Variants in ANGPTL7 observed in about 807,000 individuals in gnomAD.
ANGPTL7 encodes angiopoietin-related protein 7.
Under a neutral mutation model 38.8 loss-of-function variants are expected in ANGPTL7, and 37 were observed. The ratio of observed to expected loss-of-function variants is 0.95; its 90% CI spans 0.73 to 1.25. The LOEUF (loss-of-function observed/expected upper bound fraction) is 1.25. ANGPTL7 is among the 50% of genes most tolerant of loss of function. The probability of loss-of-function intolerance (pLI) is 0.00; values close to 1 mark genes in which losing one functional copy is unlikely to be tolerated. For synonymous variants in ANGPTL7, 166 were observed against 163.2 expected (o/e 1.02, Z -0.13); for missense variants, 427 against 438.6 (o/e 0.97, Z 0.24).
rs542785234 is a variant in ANGPTL7, at chr1:11,194,508, G to A, written c.720G>A (p.Leu240=). ...LRYAEYSHFV[L]GNELNSYRLF... Reference sequence around the variant, plus strand: ...ACGCTGAGTATAGCCACTTTGTTTTGGGCAATGAACTCAACAGCTATCGCC... The same window carrying A: ...ACGCTGAGTATAGCCACTTTGTTTTAGGCAATGAACTCAACAGCTATCGCC... Residue 240 remains leucine, a synonymous_variant, in exon 4 of 5, where the codon TTG becomes TTA. Transcript: ENST00000376819. The A allele has an allele frequency of 1.8e-4, 297 of 1,614,124 alleles. 1 individual carries two copies. In the South Asian group the frequency reaches 2.9e-3, roughly 16 times the overall value.
rs780442174 is a variant in ANGPTL7, at chr1:11,193,774, G to A, written c.672G>A (p.Glu224=). 5.1e-5 allele frequency: 83 copies of A among 1,613,866 alleles called. No individual in the cohort carries two copies. Among genetic ancestry groups the A allele is most frequent in the Non-Finnish European group, 6.2e-5 (73 of 1,179,982 alleles). ...CAACCCGGCTGCGTGTAGAGATGGA[G>A]GTAAGCACAAGGCCAGGGGCCCCAT... is the stretch of plus-strand genomic sequence containing the variant. ...RQPTRLRVEM[E]DWEGNLRYAE... is the part of the protein sequence containing the mutation. The change falls in exon 3 of 5, where the codon GAG becomes GAA. Residue 224 remains glutamate, a splice_region_variant and synonymous_variant. Transcript: ENST00000376819.
chr1:11,195,150 A>C lies in ANGPTL7; in HGVS notation c.*127A>C. On this transcript the variant is annotated 3_prime_UTR_variant, in exon 5 of 5. Transcript: ENST00000376819. The stretch of plus-strand genomic sequence containing the variant: ...GAAACAGCCTATAATCTCCAAAGAA[A>C]GAATAAGTCTCCAAGGAGCACAAAA... 3 of 1,056,662 alleles carry C rather than the reference A, an allele frequency of 2.8e-6. No homozygotes were observed. Among genetic ancestry groups the C allele is most frequent in the Non-Finnish European group, 4.0e-6 (3 of 741,026 alleles). The allele number at this position is 1,056,662 out of a possible 1,614,324, so 65.5% of individuals were successfully genotyped here. A position where few individuals can be genotyped will look rare whatever the true frequency, so the allele number is the denominator to read the frequency against.
At position 11,193,771 on chromosome 1, in the gene ANGPTL7, G is replaced by A. The variant is rs770229792; in HGVS notation, c.669G>A (p.Met223Ile). The A allele has an allele frequency of 7.4e-6, 12 of 1,613,914 alleles. No homozygotes were observed. In the South Asian group the frequency reaches 1.3e-4, roughly 18 times the overall value. The change falls in exon 3 of 5, where the codon ATG becomes ATA. Residue 223 changes from methionine (M) to isoleucine (I), a missense_variant. Coordinates refer to ENST00000376819, the MANE Select transcript of ANGPTL7 (RefSeq NM_021146.4). ...SRQPTRLRVEMEDWEGNLRYA... is the reference protein window; with the variant it reads ...SRQPTRLRVEIEDWEGNLRYA... The stretch of plus-strand genomic sequence containing the variant: ...AGCCAACCCGGCTGCGTGTAGAGAT[G>A]GAGGTAAGCACAAGGCCAGGGGCCC...
chr1:11,190,622 C>G (rs909332640), intron 1 of ANGPTL7, among the ~76,000 whole-genome samples: 6 of 152,056 alleles, frequency 3.9e-5, no homozygotes, highest in Non-Finnish European at 7.4e-5. Context: ...GAAATATAGA[C>G]TTAATAGGCC....
Position 11,195,622 on chromosome 1 carries a change from C to G in ANGPTL7, c.*599C>G. The G allele has an allele frequency of 6.5e-6, 1 of 154,294 alleles. No homozygotes were observed. The highest frequency in any genetic ancestry group is 6.4e-5 in the Admixed American group (1 of 15,552). 9.6% of individuals were successfully genotyped at this position (154,294 alleles called of 1,614,324 possible). On this transcript the variant is annotated 3_prime_UTR_variant, in exon 5 of 5. Transcript: ENST00000376819. ...GGGAGGAAACTCCAGGGCACTGCATCTGGCGATCAGACTCTGAGCACTGCC... is the reference window on the plus strand; with the variant it reads ...GGGAGGAAACTCCAGGGCACTGCATGTGGCGATCAGACTCTGAGCACTGCC...
At chr1:11,192,476 C>T in intron 2 of ANGPTL7, 106 bp downstream of exon 2, 1 of 991,188 alleles carries the variant, frequency 1.0e-6, no homozygotes, top group Non-Finnish European at 1.5e-6. Flanking sequence ...GAAAATTCGG[C>T]TGGGCGCAGT....
At position 11,192,312 on chromosome 1, in the gene ANGPTL7, G is replaced by C; in HGVS notation, c.419G>C (p.Arg140Pro). ...TCTTCCCTCTACCAGAAGAACTACCGCATCTCTGGAGTGTATAAGCTTCCT... is the reference window on the plus strand; with the variant it reads ...TCTTCCCTCTACCAGAAGAACTACCCCATCTCTGGAGTGTATAAGCTTCCT... Reference protein sequence around the residue: ...DCSSLYQKNYRISGVYKLPPD... With the variant: ...DCSSLYQKNYPISGVYKLPPD... The change falls in exon 2 of 5, where the codon CGC becomes CCC. Residue 140 changes from arginine to proline, a missense_variant. Physicochemically the swap from Arg to Pro is moderately radical, Grantham distance 103. Coordinates refer to ENST00000376819, the MANE Select transcript of ANGPTL7 (RefSeq NM_021146.4). The C allele has an allele frequency of 6.2e-7, 1 of 1,613,956 alleles. No homozygotes were observed. The highest frequency in any genetic ancestry group is 1.3e-5 in the African/African-American group (1 of 75,024).
Position 11,189,537 on chromosome 1 carries a change from A to G in ANGPTL7, c.-43A>G. The stretch of plus-strand genomic sequence containing the variant: ...GCAGACCTCAGCTGGGCATCTCCAG[A>G]CTCCCCTGAAGGAAGAGCCTTCCTC... On this transcript the variant is annotated 5_prime_UTR_variant, in exon 1 of 5. Coordinates refer to ENST00000376819, the MANE Select transcript of ANGPTL7 (RefSeq NM_021146.4). The G allele has an allele frequency of 6.5e-7, 1 of 1,541,390 alleles. No individual in the cohort carries two copies. The highest frequency in any genetic ancestry group is 2.0e-5 in the Admixed American group (1 of 49,210).
chr1:11,194,698 C>T (rs766005976), intron 4 of ANGPTL7, 39 bp downstream of exon 4: 5 of 1,612,710 alleles, frequency 3.1e-6, no homozygotes, highest in South Asian at 2.2e-5. Flanking sequence ...AGTTCAGGTA[C>T]AAGCTCATAA....
In ANGPTL7 at chr1:11,195,236, C is replaced by T. The variant is rs532169428; in HGVS notation, c.*213C>T. The T allele has an allele frequency of 2.2e-5, 12 of 546,970 alleles. No individual in the cohort carries two copies. The South Asian group carries it at 2.8e-4, about 13-fold the overall frequency. 33.9% of individuals were successfully genotyped at this position (546,970 alleles called of 1,614,324 possible). A position where few individuals can be genotyped will look rare whatever the true frequency, so the allele number is the denominator to read the frequency against. ...ATGAACTATTTAAACCCACTGGGTC[C>T]TGCCACATCCTTCTCAAGGTGGTAG... On this transcript the variant is annotated 3_prime_UTR_variant, in exon 5 of 5. Coordinates refer to ENST00000376819, the MANE Select transcript of ANGPTL7 (RefSeq NM_021146.4).
rs761841028 is a variant in ANGPTL7 at position 11,189,589 on chromosome 1, A to T, written c.10A>T (p.Lys4Ter). 2 of 1,601,494 alleles carry T rather than the reference A, an allele frequency of 1.2e-6. No individual in the cohort carries two copies. The highest frequency in any genetic ancestry group is 2.2e-5 in the South Asian group (2 of 89,602). ...CCCAAACCCACAAAAGATGCTGAAA[A>T]AGCCTCTCTCAGCTGTGACCTGGCT... MLK[K>*]PLSAVTWLCI... The change falls in exon 1 of 5, where the codon AAG (lysine) becomes TAG (stop). Residue 4 changes from lysine (K) to a stop codon, truncating the protein, a stop_gained. Coordinates refer to ENST00000376819, the MANE Select transcript of ANGPTL7 (RefSeq NM_021146.4). LOFTEE classifies it high-confidence loss of function.
chr1:11,192,173 G>A, intron 1 of ANGPTL7, 97 bp from the exon 2 acceptor site: 1 of 903,912 alleles, frequency 1.1e-6, no homozygotes, highest in Non-Finnish European at 1.8e-6. Flanking sequence ...ACACCACTGA[G>A]AATCCCAGGG....
At position 11,189,482 on chromosome 1, in the gene ANGPTL7, C is replaced by G; in HGVS notation, c.-98C>G. ...AGTGGCGAGGCCCTCAGAGTGAAAGCGTAAGGTTCAGTCAGCCTGCTGCAG... is the reference window on the plus strand; with the variant it reads ...AGTGGCGAGGCCCTCAGAGTGAAAGGGTAAGGTTCAGTCAGCCTGCTGCAG... On this transcript the variant is annotated 5_prime_UTR_variant, in exon 1 of 5. Transcript: ENST00000376819. 1 of 1,391,534 alleles carries G rather than the reference C, an allele frequency of 7.2e-7. No individual in the cohort carries two copies. The highest frequency in any genetic ancestry group is 9.7e-7 in the Non-Finnish European group (1 of 1,031,514). The allele number at this position is 1,391,534 out of a possible 1,614,324, so 86.2% of individuals were successfully genotyped here. A position where few individuals can be genotyped will look rare whatever the true frequency, so the allele number is the denominator to read the frequency against.
At position 11,189,901 on chromosome 1, in the gene ANGPTL7, C is replaced by T; in HGVS notation, c.322C>T (p.Gln108Ter). The T allele has an allele frequency of 6.8e-6, 11 of 1,613,984 alleles. No homozygotes were observed. Among genetic ancestry groups the T allele is most frequent in the Non-Finnish European group, 9.3e-6 (11 of 1,180,006 alleles). The change falls in exon 1 of 5, where the codon CAA becomes TAA. Residue 108 changes from glutamine to a stop codon, truncating the protein, a stop_gained. Transcript: ENST00000376819. LOFTEE classifies it high-confidence loss of function. ...GAGCAAGTACTCCGAGATGAACAAC[C>T]AAATTGACATCATGCAGCTGCAGGC... ...AESKYSEMNN[Q>*]IDIMQLQAAQ...
chr1:11,194,616 G>T lies in ANGPTL7; in HGVS notation c.828G>T (p.Lys276Asn). ...HNNTAFSTKD[K>N]DNDNCLDKCA... is the part of the protein sequence containing the mutation. ...ACACAGCCTTCAGCACCAAGGACAA[G>T]GACAATGACAACTGCTTGGACAAGT... The change falls in exon 4 of 5, where the codon AAG becomes AAT. Residue 276 changes from lysine (K) to asparagine (N), a missense_variant. Coordinates refer to ENST00000376819, the MANE Select transcript of ANGPTL7 (RefSeq NM_021146.4). The T allele has an allele frequency of 6.2e-7, 1 of 1,614,164 alleles. No homozygotes were observed. The highest frequency in any genetic ancestry group is 8.5e-7 in the Non-Finnish European group (1 of 1,180,018).
chr1:11,194,841 T>C lies in ANGPTL7; in HGVS notation c.872-13T>C. 2 of 1,613,712 alleles carry C rather than the reference T, an allele frequency of 1.2e-6. No individual in the cohort carries two copies. The highest frequency in any genetic ancestry group is 1.7e-6 in the Non-Finnish European group (2 of 1,179,790). ...AGTCAACTTACTAGCACTGGGTCTGTTTCTCATGCCAGGTGGCTACTGGTA... is the reference window on the plus strand; with the variant it reads ...AGTCAACTTACTAGCACTGGGTCTGCTTCTCATGCCAGGTGGCTACTGGTA... On this transcript the variant is annotated splice_polypyrimidine_tract_variant and intron_variant, in intron 4 of 4. Transcript: ENST00000376819.
chr1:11,189,575 A>G lies in ANGPTL7; in HGVS notation c.-5A>G, dbSNP rs769089703. 11 of 1,590,592 alleles carry G rather than the reference A, an allele frequency of 6.9e-6. No individual in the cohort carries two copies. The highest frequency in any genetic ancestry group is 6.0e-6 in the Non-Finnish European group (7 of 1,169,030). On this transcript the variant is annotated 5_prime_UTR_variant, in exon 1 of 5. Coordinates refer to ENST00000376819, the MANE Select transcript of ANGPTL7 (RefSeq NM_021146.4). ...AAGAGCCTTCCTCACCCAAACCCAC[A>G]AAAGATGCTGAAAAAGCCTCTCTCA... is the stretch of plus-strand genomic sequence containing the variant.
rs762413357 is a variant in ANGPTL7, at chr1:11,193,600, T to A, written c.498T>A (p.Thr166=). ...TTCAGGTGTTCTGTGACATGGAGAC[T>A]TCAGGCGGAGGCTGGACCATCATCC... ...PELEVFCDME[T]SGGGWTIIQR... The change falls in exon 3 of 5, where the codon ACT becomes ACA. Residue 166 remains threonine, a synonymous_variant. Coordinates refer to ENST00000376819, the MANE Select transcript of ANGPTL7 (RefSeq NM_021146.4). 1.1e-5 allele frequency: 17 copies of A among 1,600,962 alleles called. No individual in the cohort carries two copies. The highest frequency in any genetic ancestry group is 1.3e-5 in the Non-Finnish European group (15 of 1,173,268).
Position 11,189,358 on chromosome 1 carries a change from C to T in ANGPTL7, c.-222C>T, listed in dbSNP as rs1645430407. ...GATGCTGACTTGTGGAGCATTCGGG[C>T]TTGGAAGGAAAGCTATAGGCTACCC... is the stretch of plus-strand genomic sequence containing the variant. On this transcript the variant is annotated 5_prime_UTR_variant, in exon 1 of 5. Coordinates refer to ENST00000376819, the MANE Select transcript of ANGPTL7 (RefSeq NM_021146.4). 9 of 546,500 alleles carry T rather than the reference C, an allele frequency of 1.6e-5. No homozygotes were observed. Among genetic ancestry groups the T allele is most frequent in the Non-Finnish European group, 2.6e-5 (8 of 313,262 alleles). The allele number at this position is 546,500 out of a possible 1,614,324, so 33.9% of individuals were successfully genotyped here.
Sources: allele counts gnomAD v4.1 joint callset (sites outside exome capture counted in the v4.1 genomes callset), GRCh38; gene constraint gnomAD v4.1.1; transcripts MANE v1.5; gene names NCBI Gene and HGNC (gene_info 2026-07-23, HGNC 2026-07-21).